Variants in FECH observed in about 807,000 individuals in gnomAD.
FECH encodes ferrochelatase, mitochondrial.
Under a neutral mutation model 56.9 loss-of-function variants are expected in FECH, and 40 were observed. The observed-to-expected ratio is 0.70, with a 90% CI of 0.55 to 0.92. The LOEUF (loss-of-function observed/expected upper bound fraction) is 0.92, where lower values mean the gene tolerates loss of function less well. Ranked by LOEUF, FECH falls within the 40% of genes least tolerant of loss-of-function variation. The probability of loss-of-function intolerance (pLI) is 0.00; values close to 1 mark genes in which losing one functional copy is unlikely to be tolerated. For synonymous variants in FECH, 175 were observed against 198.6 expected, an observed-to-expected ratio of 0.88 and a Z score of 1.00; for missense variants, 431 against 529.1, an observed-to-expected ratio of 0.81 and a Z score of 1.82.
At position 57,550,029 on chromosome 18, in the gene FECH, T is replaced by G. The variant is rs1463277244; in HGVS notation, c.*683A>C. 6.6e-6 allele frequency: 1 copy of G among 152,432 alleles called. No homozygotes were observed. The highest frequency in any genetic ancestry group is 1.5e-5 in the Non-Finnish European group (1 of 68,226). 9.4% of individuals were successfully genotyped at this position (152,432 alleles called of 1,614,324 possible). ...CCACCAAGGCACGTATCATGAACAC[T>G]GTACTTGTACACGTTTATTACCCTT... On this transcript the variant is annotated 3_prime_UTR_variant, in exon 11 of 11. Coordinates refer to ENST00000262093, the MANE Select transcript of FECH (RefSeq NM_000140.5).
In FECH at chr18:57,561,282, A is replaced by G. The variant is rs2050940142; in HGVS notation, c.705+1592T>C. 3.3e-5 allele frequency among the ~76,000 whole-genome samples: 5 copies of G among 152,316 alleles called. No individual in the cohort carries two copies. In the South Asian group the frequency reaches 8.3e-4, roughly 25 times the overall value. Reference sequence around the variant, plus strand: ...TTCAAAACAGAATTTGTAGTTTTAAACTATATTTTTCATTTTAGTTTAGGG... The same window carrying G: ...TTCAAAACAGAATTTGTAGTTTTAAGCTATATTTTTCATTTTAGTTTAGGG... On this transcript the variant is annotated intron_variant, in intron 6 of 10. Transcript: ENST00000262093.
At chr18:57,557,795 C>CA (rs980170031) in intron 7 of FECH, among the ~76,000 whole-genome samples, 13 of 150,540 alleles carry the variant, frequency 8.6e-5, no homozygotes, top group African/African-American at 1.9e-4. Context: ...AGACCCGTCT[C>CA]AAAAAAAAAG....
chr18:57,579,287 A>ATGTGTGTG (rs201260921), intron 2 of FECH, among the ~76,000 whole-genome samples: 1 of 89,064 alleles, frequency 1.1e-5, no homozygotes, highest in African/African-American at 4.5e-5. Flanking sequence ...GTGTGTGTAT[A>ATGTGTGTG]TATGTGTGTG....
intron 1 of FECH, among the ~76,000 whole-genome samples, chr18:57,583,507 G>A (rs2051317067): frequency 6.6e-6 from 1 of 152,230 alleles, no homozygotes; most frequent in African/African-American, 2.4e-5. Flanking sequence ...AAGATAAGAG[G>A]GGAAAAATAT....
chr18:57,563,578 CCCAAAAAAAA>C (rs1422317754), intron 5 of FECH, among the ~76,000 whole-genome samples: 1 of 10,944 alleles, frequency 9.1e-5, no homozygotes, highest in South Asian at 4.3e-3. Flanking sequence ...GAAACTCCGT[CCCAAAAAAAA>C]AAAAAAAAAA....
At chr18:57,584,178 C>A (rs2051329957) in intron 1 of FECH, among the ~76,000 whole-genome samples, 2 of 137,296 alleles carry the variant, frequency 1.5e-5, no homozygotes, top group African/African-American at 5.4e-5. Context: ...GACTCCGTCT[C>A]AAAAAAAAAA....
intron 6 of FECH, 46 bp from the exon 7 acceptor site, chr18:57,559,289 A>G: frequency 3.1e-6 from 4 of 1,281,596 alleles, no homozygotes; most frequent in Non-Finnish European, 4.6e-6. Flanking sequence ...GGGAAGAAAG[A>G]AATGGAAGGA....
chr18:57,570,429 T>C (rs1174750617), intron 4 of FECH, among the ~76,000 whole-genome samples: 2 of 152,242 alleles, frequency 1.3e-5, no homozygotes, highest in Non-Finnish European at 2.9e-5. Context: ...CTTTGTTACT[T>C]TGTGCCATGG....
chr18:57,577,494 A>G (rs541913692), intron 2 of FECH, among the ~76,000 whole-genome samples: 5 of 152,140 alleles, frequency 3.3e-5, no homozygotes, highest in African/African-American at 7.2e-5. Context: ...AAGCAGCACA[A>G]TGCCTTCATA....
Position 57,554,336 on chromosome 18 carries a change from G to A in FECH, c.1001C>T (p.Pro334Leu), listed in dbSNP as rs150146721. ...ERGRKNILLV[P>L]IAFTSDHIET... ...AATATGGTCACTGGTAAATGCTATCGGAACCAAGAGGATATTCTTCCTCCC... is the reference window on the plus strand; with the variant it reads ...AATATGGTCACTGGTAAATGCTATCAGAACCAAGAGGATATTCTTCCTCCC... The change falls in exon 9 of 11, where the codon CCG (proline) becomes CTG (leucine). Residue 334 changes from proline to leucine, a missense_variant. Pro to Leu is a moderately conservative substitution (Grantham distance 98). Coordinates refer to ENST00000262093, the MANE Select transcript of FECH (RefSeq NM_000140.5). The A allele has an allele frequency of 1.2e-4, 200 of 1,614,156 alleles. No homozygotes were observed. The highest frequency in any genetic ancestry group is 1.6e-4 in the Non-Finnish European group (183 of 1,180,034).
chr18:57,566,511 C>T lies in FECH; in HGVS notation c.534G>A (p.Glu178=), dbSNP rs2051018752. Residue 178 remains glutamate (E), a synonymous_variant, in exon 5 of 11, where the codon GAG becomes GAA. Transcript: ENST00000262093. ...PLTEEAIEEM[E]RDGLERAIAF... Reference sequence around the variant, plus strand: ...CAATAGCCCTTTCTAGGCCATCTCTCTCCATCTCTTCAATTGCTTCTTCTG... The same window carrying T: ...CAATAGCCCTTTCTAGGCCATCTCTTTCCATCTCTTCAATTGCTTCTTCTG... The T allele has an allele frequency of 1.9e-6, 3 of 1,614,214 alleles. No individual in the cohort carries two copies. Among genetic ancestry groups the T allele is most frequent in the Non-Finnish European group, 2.5e-6 (3 of 1,180,028 alleles).
chr18:57,554,389 G>C lies in FECH; in HGVS notation c.948C>G (p.Asp316Glu), dbSNP rs375689425. The C allele has an allele frequency of 6.2e-7, 1 of 1,613,986 alleles. No homozygotes were observed. Among genetic ancestry groups the C allele is most frequent in the Non-Finnish European group, 8.5e-7 (1 of 1,180,022 alleles). Residue 316 changes from aspartate to glutamate, a missense_variant, in exon 9 of 11, where the codon GAC becomes GAG. Transcript: ENST00000262093. The stretch of plus-strand genomic sequence containing the variant: ...TCTCACAAAGCCCTTTGATAGATTC[G>C]TCTGTTTGAGGACCCAACCAGGGCA... ...GPMPWLGPQT[D>E]ESIKGLCERG...
At chr18:57,573,017 G>A (rs1313325803) in intron 3 of FECH, 5 of 557,508 alleles carry the variant, frequency 9.0e-6, no homozygotes, top group Non-Finnish European at 1.3e-5. Flanking sequence ...GCAATTTCCA[G>A]GGCTCTGGGG....
At chr18:57,568,641 A>G (rs1211988936) in intron 4 of FECH, among the ~76,000 whole-genome samples, 1 of 152,154 alleles carries the variant, frequency 6.6e-6, no homozygotes, top group African/African-American at 2.4e-5. Flanking sequence ...CCCAAAACAC[A>G]TCACTCACTG....
At chr18:57,566,384 G>T in intron 5 of FECH, 63 bp downstream of exon 5, 1 of 1,610,432 alleles carries the variant, frequency 6.2e-7, no homozygotes, top group African/African-American at 1.3e-5. Context: ...TCAGTACTTA[G>T]ACTCCTTGGT....
Position 57,586,543 on chromosome 18 carries a change from G to A in FECH, c.67+11C>T, listed in dbSNP as rs1248487775. On this transcript the variant is annotated intron_variant, in intron 1 of 10. Transcript: ENST00000262093. Reference sequence around the variant, plus strand: ...CCTGGCCCTGGCGGCCGCCGCGACAGACCCACTTACGCGGATCGCGGAGCA... The same window carrying A: ...CCTGGCCCTGGCGGCCGCCGCGACAAACCCACTTACGCGGATCGCGGAGCA... 3.3e-6 allele frequency: 5 copies of A among 1,521,292 alleles called. No individual in the cohort carries two copies. Among genetic ancestry groups the A allele is most frequent in the East Asian group, 5.1e-5 (2 of 39,270 alleles). The allele number at this position is 1,521,292 out of a possible 1,614,324, so 94.2% of individuals were successfully genotyped here.
rs187469660 is a variant in FECH, at chr18:57,562,925, C to A, written c.654G>T (p.Thr218=). The A allele has an allele frequency of 1.6e-4, 262 of 1,614,028 alleles. No homozygotes were observed. The highest frequency in any genetic ancestry group is 2.1e-4 in the Non-Finnish European group (251 of 1,180,004). The change falls in exon 6 of 11, where the codon ACG becomes ACT. Residue 218 remains threonine, a synonymous_variant. Coordinates refer to ENST00000262093, the MANE Select transcript of FECH (RefSeq NM_000140.5). ...ACCTGTCAATAGTGCTCCACTTCAT[C>A]GTGGGCTTCCGTCCCACTTGATTAT... is the stretch of plus-strand genomic sequence containing the variant. The part of the protein sequence containing the change: ...RYYNQVGRKP[T]MKWSTIDRWP...
In FECH at chr18:57,546,385, A is replaced by C. The variant is rs1054026953; in HGVS notation, c.*4327T>G. Among the ~76,000 whole-genome samples the C allele has an allele frequency of 6.9e-6, 1 of 145,118 alleles. No homozygotes were observed. The highest frequency in any genetic ancestry group is 2.6e-5 in the African/African-American group (1 of 39,152). ...CATACGGCAGAGCCCCTAGGAATGC[A>C]GGTGCCCCCAGTCATCTACACTCTG... On this transcript the variant is annotated 3_prime_UTR_variant, in exon 11 of 11. Transcript: ENST00000262093.
chr18:57,548,264 A>AAC lies in FECH; in HGVS notation c.*2446_*2447dup, dbSNP rs1275101734. ...AGACTCCATCTTAAAAAAAAAAAAA[A>AAC]ACAAAACAAAACAATGAGTTCATTT... On this transcript the variant is annotated 3_prime_UTR_variant, in exon 11 of 11. Transcript: ENST00000262093. The AAC allele has an allele frequency of 6.8e-6, 1 of 147,052 alleles. No homozygotes were observed. The highest frequency in any genetic ancestry group is 1.5e-5 in the Non-Finnish European group (1 of 66,530). The allele number at this position is 147,052 out of a possible 1,614,324, so 9.1% of individuals were successfully genotyped here.
Sources: gnomAD v4.1 joint callset for allele counts (sites outside exome capture counted in the v4.1 genomes callset) on GRCh38, gnomAD v4.1.1 for gene constraint, MANE v1.5 for transcripts, NCBI Gene and HGNC (gene_info 2026-07-23, HGNC 2026-07-21) for gene names.